The following TYW1 variants were observed in gnomAD, a reference collection of about 807,000 sequenced individuals.
TYW1 encodes the protein tRNA-yW synthesizing protein 1 homolog, also known as S-adenosyl-L-methionine-dependent tRNA 4-demethylwyosine synthase TYW1.
In TYW1, 46 loss-of-function variants were observed where a neutral mutation model predicts 96.2. The observed-to-expected ratio is 0.48, with a 90% confidence interval of 0.38 to 0.61. The LOEUF (loss-of-function observed/expected upper bound fraction) is 0.61. Ranked by LOEUF, TYW1 falls within the 20% of genes least tolerant of loss-of-function variation. TYW1 has a pLI of 0.00. For missense variants in TYW1, 684 were observed against 909.6 expected (o/e 0.75, Z 3.19); for synonymous variants, 274 against 323.0 (o/e 0.85, Z 1.63).
At chr7:67,095,715 AG>A (rs56897283) in intron 11 of TYW1, among the ~76,000 whole-genome samples, 16,541 of 110,070 alleles carry the variant, frequency 0.15, 1,015 homozygotes, top group African/African-American at 0.22. Flanking sequence ...CAGCAGCAGC[AG>A]CAGCCCCTAT....
At chr7:67,169,057 T>C (rs1353917838) in intron 13 of TYW1, among the ~76,000 whole-genome samples, 2 of 152,234 alleles carry the variant, frequency 1.3e-5, no homozygotes, top group African/African-American at 4.8e-5. Flanking sequence ...TAAATTTTTT[T>C]ACAAGTAATT....
At chr7:67,116,364 T>C (rs1797594389) in intron 12 of TYW1, among the ~76,000 whole-genome samples, 1 of 149,096 alleles carries the variant, frequency 6.7e-6, no homozygotes, top group South Asian at 2.1e-4. Flanking sequence ...AAAAAAAGTA[T>C]AGTCTAGGTT....
intron 13 of TYW1, among the ~76,000 whole-genome samples, chr7:67,134,365 A>T (rs1327369998): frequency 6.6e-6 from 1 of 151,982 alleles, no homozygotes; most frequent in Admixed American, 6.6e-5. Context: ...CAACATGGTG[A>T]AACCCTGTTA....
intron 5 of TYW1, among the ~76,000 whole-genome samples, chr7:67,016,240 G>C (rs1225047521): frequency 6.7e-6 from 1 of 150,252 alleles, no homozygotes; most frequent in African/African-American, 2.4e-5. Context: ...GGTGGAGGTG[G>C]GGAGTTTTTT....
chr7:67,152,734 T>G (rs1198891477), intron 13 of TYW1, among the ~76,000 whole-genome samples: 1 of 152,158 alleles, frequency 6.6e-6, no homozygotes, highest in African/African-American at 2.4e-5. Context: ...CCCGAGTAGC[T>G]GGGACTACAG....
intron 7 of TYW1, among the ~76,000 whole-genome samples, chr7:67,036,393 T>G (rs572437285): frequency 5.7e-4 from 87 of 152,316 alleles, no homozygotes; most frequent in African/African-American, 2.0e-3. Flanking sequence ...TATCTAGGGC[T>G]GTGCACAATT....
chr7:67,137,934 C>T (rs960049174), intron 13 of TYW1, among the ~76,000 whole-genome samples: 2 of 152,134 alleles, frequency 1.3e-5, no homozygotes, highest in African/African-American at 2.4e-5. Context: ...CACCATGCAC[C>T]TCTTCCTCTT....
chr7:67,084,083 A>G (rs765851970), intron 11 of TYW1, among the ~76,000 whole-genome samples: 40 of 152,240 alleles, frequency 2.6e-4, no homozygotes, highest in Non-Finnish European at 4.9e-4. Context: ...AATATGCTGC[A>G]TTCAGCCTGA....
At chr7:67,220,604 G>A (rs1334433734) in intron 15 of TYW1, among the ~76,000 whole-genome samples, 5 of 152,088 alleles carry the variant, frequency 3.3e-5, no homozygotes, top group Non-Finnish European at 7.4e-5. Context: ...CTAACTTACC[G>A]CCTTTCCTGG....
At position 66,996,881 on chromosome 7, in the gene TYW1, C is replaced by A. The variant is rs899894908; in HGVS notation, c.-98C>A. 1.9e-6 allele frequency: 3 copies of A among 1,595,734 alleles called. No individual in the cohort carries two copies. In the African/African-American group the frequency reaches 4.0e-5, roughly 21 times the overall value. On this transcript the variant is annotated 5_prime_UTR_variant, in exon 1 of 16. Transcript: ENST00000359626. Reference sequence around the variant, plus strand: ...AGGTCTGCAGGCACTCGGTACGCCGCTAACGCGGCGAGGTAGCTCGGTGCG... The same window carrying A: ...AGGTCTGCAGGCACTCGGTACGCCGATAACGCGGCGAGGTAGCTCGGTGCG...
intron 15 of TYW1, among the ~76,000 whole-genome samples, chr7:67,213,172 C>CT (rs35228024): frequency 4.1e-4 from 60 of 147,974 alleles, no homozygotes; most frequent in Admixed American, 1.3e-3. Flanking sequence ...ACGCCCGGCC[C>CT]TTTTTTTTTT....
chr7:67,027,600 G>A (rs375694384), intron 7 of TYW1, among the ~76,000 whole-genome samples: 1 of 152,114 alleles, frequency 6.6e-6, no homozygotes, highest in South Asian at 2.1e-4. Context: ...TCTCAGACAA[G>A]GTGTTAATCT....
At chr7:67,163,703 C>T (rs1799235076) in intron 13 of TYW1, among the ~76,000 whole-genome samples, 1 of 148,790 alleles carries the variant, frequency 6.7e-6, no homozygotes, top group African/African-American at 2.5e-5. Context: ...GAGTCTTGCT[C>T]TGTCGCTCAG....
intron 7 of TYW1, among the ~76,000 whole-genome samples, chr7:67,033,052 AC>A (rs1465831668): frequency 7.3e-5 from 11 of 151,374 alleles, no homozygotes; most frequent in African/African-American, 2.7e-4. Flanking sequence ...GCGTACCACC[AC>A]GCCCGGCTAA....
At chr7:67,081,657 C>T (rs1053194045) in intron 10 of TYW1, among the ~76,000 whole-genome samples, 1 of 151,548 alleles carries the variant, frequency 6.6e-6, no homozygotes, top group Non-Finnish European at 1.5e-5. Context: ...TGCTGCTGCT[C>T]CTCCTCCTGC....
chr7:67,106,527 G>T (rs1335157574), intron 12 of TYW1, among the ~76,000 whole-genome samples: 1 of 152,096 alleles, frequency 6.6e-6, no homozygotes, highest in Non-Finnish European at 1.5e-5. Context: ...TGTTGAGGAG[G>T]ATGTTTCCCA....
chr7:67,198,205 C>G (rs973370321), intron 15 of TYW1, among the ~76,000 whole-genome samples: 2 of 151,992 alleles, frequency 1.3e-5, no homozygotes, highest in East Asian at 3.9e-4. Context: ...TAGCATTTCC[C>G]CCTCCAGTTC....
chr7:67,047,878 C>T (rs1562983771), intron 7 of TYW1, among the ~76,000 whole-genome samples: 1 of 150,178 alleles, frequency 6.7e-6, no homozygotes, highest in East Asian at 2.0e-4. Flanking sequence ...ACCTCCGCCT[C>T]CCGGGTTCAA....
intron 11 of TYW1, among the ~76,000 whole-genome samples, chr7:67,086,987 C>A (rs1304792902): frequency 6.6e-6 from 1 of 152,078 alleles, no homozygotes; most frequent in African/African-American, 2.4e-5. Flanking sequence ...ATCCTGGAGT[C>A]TCCCTGAATG....
Sources: gnomAD v4.1 joint callset for allele counts (sites outside exome capture counted in the v4.1 genomes callset) on GRCh38, gnomAD v4.1.1 for gene constraint, MANE v1.5 for transcripts, NCBI Gene and HGNC (gene_info 2026-07-23, HGNC 2026-07-21) for gene names.